Variants in XKR6 observed in about 807,000 individuals in gnomAD.
XKR6 encodes the protein XK related 6.
In XKR6, 22 loss-of-function variants were observed where a neutral mutation model predicts 56.7. The observed-to-expected ratio is 0.39, with a 90% CI of 0.28 to 0.55. XKR6 has a LOEUF of 0.55. Ranked by LOEUF, XKR6 falls within the 20% of genes least tolerant of loss-of-function variation. The pLI, the probability that XKR6 is intolerant of heterozygous loss-of-function variation, is 0.66. For missense variants in XKR6, 852 were observed against 889.0 expected (o/e 0.96, Z 0.53); for synonymous variants, 524 against 387.8 (o/e 1.35, Z -4.13).
Position 11,106,863 on chromosome 8 carries a change from A to AAAAAAAAAAAAAAAAAAAAAAG in XKR6, c.764+93712_764+93713insCTTTTTTTTTTTTTTTTTTTTT, listed in dbSNP as rs60435831. Among the ~76,000 whole-genome samples, 52 of 109,912 alleles carry AAAAAAAAAAAAAAAAAAAAAAG rather than the reference A, an allele frequency of 4.7e-4. 5 individuals are homozygous for AAAAAAAAAAAAAAAAAAAAAAG. Among genetic ancestry groups the AAAAAAAAAAAAAAAAAAAAAAG allele is most frequent in the African/African-American group, 2.1e-3 (46 of 21,626 alleles). The allele number at this position is 109,912 out of a possible 152,430, so 72.1% of individuals were successfully genotyped here. A position where few individuals can be genotyped will look rare whatever the true frequency, so the allele number is the denominator to read the frequency against. ...GAGACTTCATCTCAAAAAAAAAAAAAAATAAAAAAGATACAACGTTACAAA... is the reference window on the plus strand; with the variant it reads ...GAGACTTCATCTCAAAAAAAAAAAAAAAAAAAAAAAAAAAAAAAAAAGAATAAAAAAGATACAACGTTACAAA... On this transcript the variant is annotated intron_variant, in intron 1 of 2. Transcript: ENST00000416569.
chr8:10,939,933 C>A (rs1197057324), intron 1 of XKR6, among the ~76,000 whole-genome samples: 1 of 152,362 alleles, frequency 6.6e-6, no homozygotes. Flanking sequence ...GCCTCCCCCT[C>A]CCCCAGGTGT....
chr8:11,082,347 G>C (rs1797753252), intron 1 of XKR6, among the ~76,000 whole-genome samples: 1 of 152,210 alleles, frequency 6.6e-6, no homozygotes, highest in Non-Finnish European at 1.5e-5. Flanking sequence ...GGGAGCAAGA[G>C]TTGGTCAATT....
intron 2 of XKR6, among the ~76,000 whole-genome samples, chr8:10,915,564 ACCTCAGTGCAGGG>A: frequency 6.6e-6 from 1 of 151,718 alleles, no homozygotes; most frequent in Non-Finnish European, 1.5e-5. Flanking sequence ...CGGTAGGGCG[ACCTCAGTGCAGGG>A]CCTCAAAATG....
intron 1 of XKR6, among the ~76,000 whole-genome samples, chr8:11,158,088 T>C (rs897182869): frequency 1.5e-4 from 23 of 152,190 alleles, no homozygotes; most frequent in African/African-American, 5.1e-4. Context: ...GACTTTTCAA[T>C]TCTGAACCAC....
chr8:11,140,493 A>T (rs560802011), intron 1 of XKR6, among the ~76,000 whole-genome samples: 2 of 152,196 alleles, frequency 1.3e-5, no homozygotes, highest in Non-Finnish European at 1.5e-5. Context: ...GAGAGTTAAG[A>T]TACTTAAGGA....
At chr8:10,994,746 T>A (rs4841473) in intron 1 of XKR6, among the ~76,000 whole-genome samples, 29,914 of 152,222 alleles carry the variant, frequency 0.2, 3,252 homozygotes, top group South Asian at 0.28. Flanking sequence ...ATGAGGAAAC[T>A]AACTCGGGAC....
At chr8:11,106,194 G>C (rs1037614074) in intron 1 of XKR6, 1 of 152,162 alleles carries the variant, frequency 6.6e-6, no homozygotes, top group African/African-American at 2.4e-5. Flanking sequence ...TAGTCAATGA[G>C]GGTTCAATGC....
At chr8:10,929,253 C>T (rs951427558) in intron 1 of XKR6, among the ~76,000 whole-genome samples, 3 of 152,208 alleles carry the variant, frequency 2.0e-5, no homozygotes, top group African/African-American at 7.2e-5. Flanking sequence ...GGGCATTTGG[C>T]ACATATTACC....
intron 1 of XKR6, among the ~76,000 whole-genome samples, chr8:10,979,150 G>T (rs1453189666): frequency 6.6e-6 from 1 of 151,810 alleles, no homozygotes; most frequent in African/African-American, 2.4e-5. Flanking sequence ...TCCCTAGGAG[G>T]TTCTGGGGAT....
chr8:11,089,801 C>T (rs1798005832), intron 1 of XKR6, among the ~76,000 whole-genome samples: 1 of 152,222 alleles, frequency 6.6e-6, no homozygotes, highest in Non-Finnish European at 1.5e-5. Context: ...TCTTCTCCGT[C>T]ATCTTCCCCT....
chr8:10,930,926 A>C (rs1437997030), intron 1 of XKR6, among the ~76,000 whole-genome samples: 1 of 152,224 alleles, frequency 6.6e-6, no homozygotes, highest in Non-Finnish European at 1.5e-5. Flanking sequence ...AGTCCTGTTC[A>C]GTGCAGTAAG....
intron 1 of XKR6, among the ~76,000 whole-genome samples, chr8:11,073,126 T>C (rs576249233): frequency 1.2e-4 from 18 of 152,200 alleles, no homozygotes; most frequent in Non-Finnish European, 2.5e-4. Flanking sequence ...GTCCTGTCTA[T>C]CTTTTCCTGA....
chr8:11,060,425 C>G (rs540317508), intron 1 of XKR6, among the ~76,000 whole-genome samples: 2 of 152,240 alleles, frequency 1.3e-5, no homozygotes, highest in Non-Finnish European at 2.9e-5. Context: ...TCCGCAGCCC[C>G]GCAGTGCCTT....
chr8:10,939,773 T>C (rs1009682323), intron 1 of XKR6, among the ~76,000 whole-genome samples: 3 of 152,256 alleles, frequency 2.0e-5, no homozygotes, highest in Non-Finnish European at 4.4e-5. Flanking sequence ...TCCTGGGCAC[T>C]GTGAGCAATG....
intron 1 of XKR6, among the ~76,000 whole-genome samples, chr8:11,072,175 G>A (rs1199908203): frequency 2.0e-5 from 3 of 152,142 alleles, no homozygotes; most frequent in African/African-American, 7.2e-5. Context: ...CGTCCTCTCA[G>A]CTCCACCCCC....
chr8:11,135,157 G>C (rs557337688), intron 1 of XKR6, among the ~76,000 whole-genome samples: 173 of 151,328 alleles, frequency 1.1e-3, no homozygotes, highest in African/African-American at 4.2e-3. Context: ...AGCCTCCCGA[G>C]TAGCTGGGAC....
chr8:10,993,649 C>T (rs151092415), intron 1 of XKR6, among the ~76,000 whole-genome samples: 66 of 152,332 alleles, frequency 4.3e-4, no homozygotes, highest in Non-Finnish European at 7.2e-4. Context: ...CTTGAATCTC[C>T]CTTCTGCCCT....
At chr8:11,178,547 A>ATATATATATATATATATATATATAAAT (rs1802779230) in intron 1 of XKR6, among the ~76,000 whole-genome samples, 1 of 88,508 alleles carries the variant, frequency 1.1e-5, no homozygotes, top group Non-Finnish European at 2.2e-5. Flanking sequence ...GAGAGGTAAA[A>ATATATATATATATATATATATATAAAT]ATATATATAT....
At chr8:11,088,037 T>C (rs1201157567) in intron 1 of XKR6, among the ~76,000 whole-genome samples, 1 of 152,172 alleles carries the variant, frequency 6.6e-6, no homozygotes, top group Non-Finnish European at 1.5e-5. Context: ...TTTCCAGGAA[T>C]GTAGTAGGAA....
Sources: gnomAD v4.1 joint callset for allele counts (sites outside exome capture counted in the v4.1 genomes callset) on GRCh38, gnomAD v4.1.1 for gene constraint, MANE v1.5 for transcripts, NCBI Gene and HGNC (gene_info 2026-07-23, HGNC 2026-07-21) for gene names.